The following PRKAR2A variants were observed in gnomAD, a reference collection of about 807,000 sequenced individuals.
The protein encoded by PRKAR2A is protein kinase cAMP-dependent type II regulatory subunit alpha.
Under a neutral mutation model 51.9 loss-of-function variants are expected in PRKAR2A, and 29 were observed. The ratio of observed to expected loss-of-function variants is 0.56; its 90% CI spans 0.42 to 0.76. The LOEUF (loss-of-function observed/expected upper bound fraction) is 0.76, where lower values mean the gene tolerates loss of function less well. PRKAR2A is among the 30% of genes least tolerant of loss of function. The probability of loss-of-function intolerance (pLI) is 0.00; values close to 1 mark genes in which losing one functional copy is unlikely to be tolerated. For synonymous variants in PRKAR2A, 178 were observed against 186.2 expected (o/e 0.96, Z 0.36); for missense variants, 445 against 512.1 (o/e 0.87, Z 1.26).
chr3:48,847,365 T>G lies in PRKAR2A; in HGVS notation c.232A>C (p.Ser78Arg). 2 of 1,613,474 alleles carry G rather than the reference T, an allele frequency of 1.2e-6. No individual in the cohort carries two copies. The highest frequency in any genetic ancestry group is 1.7e-6 in the Non-Finnish European group (2 of 1,179,660). ...PDRVADAKGD[S>R]ESEEDEDLEV... ...AAGTCCTCGTCCTCCTCCGACTCGC[T>G]GTCCCCTTTGGCGTCGGCGACACGG... is the stretch of plus-strand genomic sequence containing the variant. The change falls in exon 1 of 11, where the codon AGC (serine) becomes CGC (arginine). Residue 78 changes from serine to arginine, a missense_variant. By Grantham distance (110) the Ser-to-Arg change is moderately radical (BLOSUM62 -1). Transcript: ENST00000265563. This position sits in a 1 kb window ranked among gnomAD's most constrained non-coding sequence, Gnocchi z 4.4.
chr3:48,791,220 G>T (rs776227308), intron 3 of PRKAR2A, among the ~76,000 whole-genome samples: 3 of 145,620 alleles, frequency 2.1e-5, no homozygotes, highest in African/African-American at 7.7e-5. Context: ...CATGGAGTCG[G>T]AGGTTGCAGT....
intron 4 of PRKAR2A, among the ~76,000 whole-genome samples, chr3:48,788,350 G>GA (rs1441634161): frequency 6.6e-6 from 1 of 151,974 alleles, no homozygotes; most frequent in African/African-American, 2.4e-5. Context: ...TTTTAGTAGA[G>GA]ACGGGGTTTC....
chr3:48,788,495 A>G (rs767082313), intron 4 of PRKAR2A, among the ~76,000 whole-genome samples: 20 of 152,168 alleles, frequency 1.3e-4, no homozygotes, highest in Non-Finnish European at 2.2e-4. Flanking sequence ...TGTGGCCTTC[A>G]AAGTAGAGAA....
At chr3:48,812,839 AT>A (rs2082798644) in intron 1 of PRKAR2A, among the ~76,000 whole-genome samples, 1 of 152,176 alleles carries the variant, frequency 6.6e-6, no homozygotes, top group South Asian at 2.1e-4. Flanking sequence ...ACTTGAAAAA[AT>A]TTAGTTCTGA....
At chr3:48,799,073 G>GA (rs940934311) in intron 2 of PRKAR2A, among the ~76,000 whole-genome samples, 7 of 151,880 alleles carry the variant, frequency 4.6e-5, no homozygotes, top group Non-Finnish European at 8.8e-5. Flanking sequence ...TATTTTCTAG[G>GA]AAAAAATCCA....
intron 2 of PRKAR2A, among the ~76,000 whole-genome samples, chr3:48,805,018 C>T (rs1324311563): frequency 6.6e-6 from 1 of 152,076 alleles, no homozygotes; most frequent in African/African-American, 2.4e-5. Flanking sequence ...CTCAAGCAAT[C>T]TTCTTAACTC....
At position 48,775,999 on chromosome 3, in the gene PRKAR2A, C is replaced by T. The variant is rs567485502; in HGVS notation, c.543-2891G>A. Among the ~76,000 whole-genome samples, 371 of 152,052 alleles carry T rather than the reference C, an allele frequency of 2.4e-3. 3 individuals carry two copies. The highest frequency in any genetic ancestry group is 8.4e-3 in the African/African-American group (347 of 41,476). ...GCAGGTGCCTGTAATCCCAGCTATT[C>T]GGGAGGCTGAGGCAGGAGAATCACT... On this transcript the variant is annotated intron_variant, in intron 5 of 10. Coordinates refer to ENST00000265563, the MANE Select transcript of PRKAR2A (RefSeq NM_004157.4).
intron 1 of PRKAR2A, among the ~76,000 whole-genome samples, chr3:48,825,412 T>C (rs1020391764): frequency 2.6e-5 from 4 of 152,186 alleles, no homozygotes; most frequent in African/African-American, 9.7e-5. Flanking sequence ...CACTAAGGAC[T>C]CTTAAGGAGT....
rs564614750 is a variant in PRKAR2A, at chr3:48,811,120, T to A, written c.263-3436A>T. On this transcript the variant is annotated intron_variant, in intron 1 of 10. Transcript: ENST00000265563. ...TGAGCCCAGGAGGTCGAGGCTGTGATGAACCATGATTGTACCACTGCACTT... is the reference window on the plus strand; with the variant it reads ...TGAGCCCAGGAGGTCGAGGCTGTGAAGAACCATGATTGTACCACTGCACTT... 1.4e-4 allele frequency among the ~76,000 whole-genome samples: 22 copies of A among 152,052 alleles called. 1 individual carries two copies. In the South Asian group the frequency reaches 4.4e-3, roughly 30 times the overall value.
intron 4 of PRKAR2A, among the ~76,000 whole-genome samples, chr3:48,785,219 A>G (rs925660344): frequency 3.6e-4 from 53 of 148,112 alleles, no homozygotes; most frequent in Non-Finnish European, 6.5e-4. Context: ...AGCCTCCCCA[A>G]TAGCTGGGAT....
At chr3:48,768,701 A>G (rs928765958) in intron 6 of PRKAR2A, among the ~76,000 whole-genome samples, 2 of 152,160 alleles carry the variant, frequency 1.3e-5, no homozygotes, top group Non-Finnish European at 2.9e-5. Flanking sequence ...CTCAAAATAA[A>G]TAAATAAATA....
At chr3:48,813,134 C>T (rs1249638448) in intron 1 of PRKAR2A, among the ~76,000 whole-genome samples, 1 of 151,630 alleles carries the variant, frequency 6.6e-6, no homozygotes, top group African/African-American at 2.4e-5. Flanking sequence ...AAGTTGTCCG[C>T]CGGGCATAGG....
At chr3:48,793,160 C>A (rs57078550) in intron 3 of PRKAR2A, among the ~76,000 whole-genome samples, 1 of 151,620 alleles carries the variant, frequency 6.6e-6, no homozygotes, top group Non-Finnish European at 1.5e-5. Flanking sequence ...ATAAAATACA[C>A]CTCACACAAA....
chr3:48,784,741 T>C (rs925765435), intron 4 of PRKAR2A, among the ~76,000 whole-genome samples: 3 of 152,210 alleles, frequency 2.0e-5, no homozygotes, highest in Non-Finnish European at 4.4e-5. Context: ...ATGTGGTTGA[T>C]AGGTTCTTGA....
In PRKAR2A at chr3:48,747,156, G is replaced by C. The variant is rs1159633705; in HGVS notation, c.*4429C>G. Reference sequence around the variant, plus strand: ...ATAGACAATAGAATCATTGAGGAACGTCAGCAGTCAAGACAGGAGGAACAA... The same window carrying C: ...ATAGACAATAGAATCATTGAGGAACCTCAGCAGTCAAGACAGGAGGAACAA... On this transcript the variant is annotated 3_prime_UTR_variant, in exon 11 of 11. Coordinates refer to ENST00000265563, the MANE Select transcript of PRKAR2A (RefSeq NM_004157.4). The C allele has an allele frequency of 6.7e-6, 1 of 149,710 alleles. No individual in the cohort carries two copies. Among genetic ancestry groups the C allele is most frequent in the Non-Finnish European group, 1.5e-5 (1 of 67,806 alleles). 9.3% of individuals were successfully genotyped at this position (149,710 alleles called of 1,614,324 possible). A position where few individuals can be genotyped will look rare whatever the true frequency, so the allele number is the denominator to read the frequency against.
intron 3 of PRKAR2A, among the ~76,000 whole-genome samples, 186 bp from the exon 4 acceptor site, chr3:48,790,813 G>A (rs1010455383): frequency 1.3e-5 from 2 of 152,116 alleles, no homozygotes; most frequent in African/African-American, 4.8e-5. Flanking sequence ...GGGGTGAAAA[G>A]CACCAACCCT....
chr3:48,765,818 A>T (rs940355778), intron 6 of PRKAR2A, among the ~76,000 whole-genome samples: 19 of 151,878 alleles, frequency 1.3e-4, no homozygotes, highest in East Asian at 3.9e-4. Flanking sequence ...AAAAAAACTT[A>T]AAAAATCCAA....
chr3:48,839,227 G>A (rs1373986241), intron 1 of PRKAR2A, among the ~76,000 whole-genome samples: 3 of 151,860 alleles, frequency 2.0e-5, no homozygotes, highest in African/African-American at 7.3e-5. Flanking sequence ...GGCAGAGGTT[G>A]CAGTGAGCCA....
intron 1 of PRKAR2A, among the ~76,000 whole-genome samples, chr3:48,837,585 TCTACTC>T (rs979935467): frequency 1.3e-5 from 2 of 152,140 alleles, no homozygotes; most frequent in African/African-American, 4.8e-5. Flanking sequence ...GCCCAGCAAT[TCTACTC>T]CTATGAGAAA....
Sources: gnomAD v4.1 joint callset for allele counts (sites outside exome capture counted in the v4.1 genomes callset) on GRCh38, gnomAD v4.1.1 for gene constraint, Gnocchi (gnomAD v3.1) non-coding constraint, MANE v1.5 for transcripts, NCBI Gene and HGNC (gene_info 2026-07-23, HGNC 2026-07-21) for gene names.